Variants in SLC7A1 observed in about 807,000 individuals in gnomAD.
SLC7A1 encodes solute carrier family 7 member 1.
Under a neutral mutation model 53.9 loss-of-function variants are expected in SLC7A1, and 10 were observed. The ratio of observed to expected loss-of-function variants is 0.19; its 90% CI spans 0.11 to 0.31. SLC7A1 has a LOEUF of 0.31. SLC7A1 is among the 10% of genes least tolerant of loss of function. The pLI, the probability that SLC7A1 is intolerant of heterozygous loss-of-function variation, is 1.00. For missense variants in SLC7A1, 525 were observed against 827.2 expected, an observed-to-expected ratio of 0.63 and a Z score of 4.48; for synonymous variants, 342 against 338.7, an observed-to-expected ratio of 1.01 and a Z score of -0.11.
intron 1 of SLC7A1, among the ~76,000 whole-genome samples, chr13:29,575,645 A>G (rs1041119523): frequency 1.3e-5 from 2 of 152,188 alleles, no homozygotes; most frequent in African/African-American, 4.8e-5. Context: ...ATTTTATGAC[A>G]CAGTTAACAG....
In SLC7A1 at chr13:29,565,433, GT is replaced by G. The variant is rs1870928497; in HGVS notation, c.-114-11574del. Among the ~76,000 whole-genome samples, 3 of 152,332 alleles carry G rather than the reference GT, an allele frequency of 2.0e-5. No homozygotes were observed. The South Asian group carries it at 6.2e-4, about 32-fold the overall frequency. ...AACAGGGCCTGGAGGAGCACAAAGGGTTCAAGGAGCACCAGGGCATTGGCCT... is the reference window on the plus strand; with the variant it reads ...AACAGGGCCTGGAGGAGCACAAAGGGTCAAGGAGCACCAGGGCATTGGCCT... On this transcript the variant is annotated intron_variant, in intron 1 of 12. Transcript: ENST00000380752.
chr13:29,594,824 G>A (rs1178024503), intron 1 of SLC7A1, among the ~76,000 whole-genome samples: 1 of 152,138 alleles, frequency 6.6e-6, no homozygotes, highest in Non-Finnish European at 1.5e-5. Flanking sequence ...AGGCGCCCTA[G>A]GTCAGGGCGG....
At chr13:29,529,348 C>G (rs1428788744) in intron 5 of SLC7A1, among the ~76,000 whole-genome samples, 1 of 152,194 alleles carries the variant, frequency 6.6e-6, no homozygotes, top group Non-Finnish European at 1.5e-5. Context: ...GAACCAGTGA[C>G]CAACTGGGCA....
intron 1 of SLC7A1, among the ~76,000 whole-genome samples, chr13:29,575,513 T>C (rs1566275102): frequency 6.6e-6 from 1 of 152,212 alleles, no homozygotes; most frequent in Non-Finnish European, 1.5e-5. Context: ...ATTTACAAAC[T>C]TAAATAAGAG....
chr13:29,574,632 A>G (rs1871332508), intron 1 of SLC7A1, among the ~76,000 whole-genome samples: 1 of 146,614 alleles, frequency 6.8e-6, no homozygotes, highest in South Asian at 2.2e-4. Flanking sequence ...CACTCACTGG[A>G]GCAGCTAATG....
intron 1 of SLC7A1, among the ~76,000 whole-genome samples, chr13:29,565,358 C>G (rs1199754993): frequency 6.6e-6 from 1 of 152,116 alleles, no homozygotes; most frequent in Non-Finnish European, 1.5e-5. Flanking sequence ...AGAAAGGAGG[C>G]CTGGGGAGTA....
chr13:29,587,828 C>T (rs1370465029), intron 1 of SLC7A1, among the ~76,000 whole-genome samples: 2 of 152,060 alleles, frequency 1.3e-5, no homozygotes, highest in East Asian at 1.9e-4. Flanking sequence ...CAGGGGCCGG[C>T]TCCTCCCACA....
At chr13:29,532,408 A>G (rs1191020274) in intron 4 of SLC7A1, among the ~76,000 whole-genome samples, 1 of 152,206 alleles carries the variant, frequency 6.6e-6, no homozygotes, top group Admixed American at 6.5e-5. Flanking sequence ...GGCACACATT[A>G]GTGTTCCAGA....
chr13:29,531,026 G>C (rs1362905735), intron 4 of SLC7A1, among the ~76,000 whole-genome samples: 1 of 152,160 alleles, frequency 6.6e-6, no homozygotes, highest in East Asian at 1.9e-4. Flanking sequence ...CCTCTCATAG[G>C]GAGGGGAAAG....
At position 29,530,517 on chromosome 13, in the gene SLC7A1, T is replaced by C. The variant is rs535243854; in HGVS notation, c.704+21A>G. 9.3e-6 allele frequency: 15 copies of C among 1,609,916 alleles called. No individual in the cohort carries two copies. The East Asian group carries it at 1.6e-4, about 17-fold the overall frequency. ...GTCATTAAATGTCAACTAAGAAAAATGGTCAGAAGCAGCAACTCACTTGTT... is the reference window on the plus strand; with the variant it reads ...GTCATTAAATGTCAACTAAGAAAAACGGTCAGAAGCAGCAACTCACTTGTT... On this transcript the variant is annotated intron_variant, in intron 5 of 12. Transcript: ENST00000380752.
rs1183910637 is a variant in SLC7A1 at position 29,510,799 on chromosome 13, T to TA, written c.*3680dup. 6.6e-6 allele frequency: 1 copy of TA among 152,228 alleles called. No homozygotes were observed. Among genetic ancestry groups the TA allele is most frequent in the Non-Finnish European group, 1.5e-5 (1 of 68,042 alleles). The allele number at this position is 152,228 out of a possible 1,614,324, so 9.4% of individuals were successfully genotyped here. A position where few individuals can be genotyped will look rare whatever the true frequency, so the allele number is the denominator to read the frequency against. On this transcript the variant is annotated 3_prime_UTR_variant, in exon 13 of 13. Coordinates refer to ENST00000380752, the MANE Select transcript of SLC7A1 (RefSeq NM_003045.5). ...CTTTATTAAGAAGGAAGGGTCTGTG[T>TA]AAAAATGGGATGTGTGAATCAGAAG...
intron 3 of SLC7A1, among the ~76,000 whole-genome samples, chr13:29,533,863 C>T: frequency 6.6e-6 from 1 of 152,124 alleles, no homozygotes; most frequent in East Asian, 1.9e-4. Context: ...GAGCGTTTTC[C>T]TTTATTTTCA....
At chr13:29,528,388 A>G (rs1868997676) in intron 5 of SLC7A1, among the ~76,000 whole-genome samples, 1 of 152,176 alleles carries the variant, frequency 6.6e-6, no homozygotes, top group Non-Finnish European at 1.5e-5. Flanking sequence ...AGGGTAACTA[A>G]CACTCCTCTT....
Position 29,509,989 on chromosome 13 carries a change from T to C in SLC7A1, c.*4491A>G, listed in dbSNP as rs1593533604. ...AAGTCCCAAACTTAATAGTCTGTCA[T>C]CAAGAAACACAAAATCATTTGCCTT... On this transcript the variant is annotated 3_prime_UTR_variant, in exon 13 of 13. Coordinates refer to ENST00000380752, the MANE Select transcript of SLC7A1 (RefSeq NM_003045.5). The C allele has an allele frequency of 2.6e-5, 4 of 152,754 alleles. No homozygotes were observed. The highest frequency in any genetic ancestry group is 2.6e-4 in the Admixed American group (4 of 15,302). 9.5% of individuals were successfully genotyped at this position (152,754 alleles called of 1,614,324 possible).
At chr13:29,542,958 T>A (rs1869733142) in intron 2 of SLC7A1, among the ~76,000 whole-genome samples, 1 of 152,204 alleles carries the variant, frequency 6.6e-6, no homozygotes, top group South Asian at 2.1e-4. Context: ...GGGGTCTACA[T>A]CTGGCTGACT....
intron 1 of SLC7A1, among the ~76,000 whole-genome samples, chr13:29,579,168 C>T (rs1156575723): frequency 6.6e-6 from 1 of 152,162 alleles, no homozygotes; most frequent in Non-Finnish European, 1.5e-5. Context: ...ATGTGTATGG[C>T]TCACTAATCC....
intron 9 of SLC7A1, among the ~76,000 whole-genome samples, chr13:29,518,012 G>A (rs546122738): frequency 1.2e-4 from 19 of 152,314 alleles, no homozygotes; most frequent in African/African-American, 4.3e-4. Flanking sequence ...TCTCCTTCGG[G>A]GCGACATGAC....
At chr13:29,548,355 T>C (rs146938470) in intron 2 of SLC7A1, among the ~76,000 whole-genome samples, 47 of 152,322 alleles carry the variant, frequency 3.1e-4, no homozygotes, top group Middle Eastern at 3.4e-3. Flanking sequence ...CTTCCTTACC[T>C]TTTGACAGGT....
chr13:29,566,660 C>T (rs542452986), intron 1 of SLC7A1, among the ~76,000 whole-genome samples: 17 of 152,116 alleles, frequency 1.1e-4, no homozygotes, highest in African/African-American at 1.9e-4. Context: ...TTAGGGGTGA[C>T]GAAAATATTC....
Sources: gnomAD v4.1 joint callset for allele counts (sites outside exome capture counted in the v4.1 genomes callset) on GRCh38, gnomAD v4.1.1 for gene constraint, MANE v1.5 for transcripts, NCBI Gene and HGNC (gene_info 2026-07-23, HGNC 2026-07-21) for gene names.